NPAT: variants seen among roughly 807,000 people sequenced by gnomAD.
The protein encoded by NPAT is protein NPAT.
A neutral mutation model predicts 130.7 loss-of-function variants in NPAT; 52 were observed. The observed-to-expected ratio is 0.40, with a 90% CI of 0.32 to 0.50. The LOEUF is 0.50. Among genes scored for constraint, NPAT ranks in the 20% least tolerant of loss-of-function variants. The pLI is 0.68. For missense variants in NPAT, 1,687 were observed against 1,662.6 expected, an observed-to-expected ratio of 1.01 and a Z score of -0.26; for synonymous variants, 580 against 584.8, an observed-to-expected ratio of 0.99 and a Z score of 0.12.
chr11:108,197,247 T>C (rs2078231359), intron 2 of NPAT, 55 bp downstream of exon 2: 1 of 1,209,540 alleles, frequency 8.3e-7, no homozygotes, highest in South Asian at 1.2e-5. Context: ...TTTATGACTA[T>C]GTTTTTAGTC....
chr11:108,181,027 G>A (rs1402674127), intron 10 of NPAT, among the ~76,000 whole-genome samples: 1 of 152,172 alleles, frequency 6.6e-6, no homozygotes, highest in Non-Finnish European at 1.5e-5. Flanking sequence ...GTTGGCAGGG[G>A]ATAGGAAAAG....
At chr11:108,210,663 C>A (rs1040965625) in intron 1 of NPAT, among the ~76,000 whole-genome samples, 1 of 152,144 alleles carries the variant, frequency 6.6e-6, no homozygotes, top group African/African-American at 2.4e-5. Flanking sequence ...AGAACTGACT[C>A]AAGAAGAAAC....
chr11:108,209,333 T>C (rs2078360634), intron 1 of NPAT, among the ~76,000 whole-genome samples: 1 of 152,130 alleles, frequency 6.6e-6, no homozygotes, highest in African/African-American at 2.4e-5. Context: ...AAGCCAAGCA[T>C]GGTGGCATAT....
At chr11:108,204,160 A>G (rs2078302473) in intron 1 of NPAT, among the ~76,000 whole-genome samples, 1 of 152,200 alleles carries the variant, frequency 6.6e-6, no homozygotes, top group African/African-American at 2.4e-5. Flanking sequence ...TAGCAGCAAG[A>G]GACAAATTCC....
At chr11:108,213,307 A>C (rs1406643007) in intron 1 of NPAT, among the ~76,000 whole-genome samples, 2 of 152,162 alleles carry the variant, frequency 1.3e-5, no homozygotes, top group African/African-American at 2.4e-5. Context: ...AAACTATTAG[A>C]GCTAATAAAT....
At chr11:108,186,428 G>T in intron 8 of NPAT, 54 bp downstream of exon 8, 1 of 1,335,262 alleles carries the variant, frequency 7.5e-7, no homozygotes, top group Non-Finnish European at 1.1e-6. Context: ...GTATATATCT[G>T]TATTTTTAAA....
At chr11:108,187,747 T>C (rs567305076) in intron 7 of NPAT, among the ~76,000 whole-genome samples, 1 of 150,838 alleles carries the variant, frequency 6.6e-6, no homozygotes, top group South Asian at 2.1e-4. Flanking sequence ...CTTAGGACTT[T>C]AAATGTGTGT....
Position 108,190,489 on chromosome 11 carries a change from C to T in NPAT, c.302G>A (p.Ser101Asn). 6.2e-7 allele frequency: 1 copy of T among 1,613,824 alleles called. No individual in the cohort carries two copies. Among genetic ancestry groups the T allele is most frequent in the Non-Finnish European group, 8.5e-7 (1 of 1,179,770 alleles). Reference sequence around the variant, plus strand: ...CTGACTGCCAGCAAACCTTGGGGAACTTTGCATGCTCCTAACAAAGAAAAC... The same window carrying T: ...CTGACTGCCAGCAAACCTTGGGGAATTTTGCATGCTCCTAACAAAGAAAAC... ...HTLSQIRSMQ[S>N]SPRFAGSQRA... The change falls in exon 5 of 18, where the codon AGT becomes AAT. Residue 101 changes from serine to asparagine, a missense_variant. Transcript: ENST00000278612.
intron 15 of NPAT, among the ~76,000 whole-genome samples, chr11:108,167,255 G>A (rs1266810194): frequency 6.6e-6 from 1 of 152,136 alleles, no homozygotes; most frequent in East Asian, 1.9e-4. Flanking sequence ...CTGTTGCCCA[G>A]ACTGGAATGC....
At chr11:108,185,639 A>T in intron 8 of NPAT, 145 bp from the exon 9 acceptor site, 7 of 669,936 alleles carry the variant, frequency 1.0e-5, no homozygotes, top group Non-Finnish European at 1.3e-5. Flanking sequence ...CTCCCTCCAT[A>T]TTAATACCTG....
chr11:108,182,784 C>A (rs1256804131), intron 10 of NPAT, among the ~76,000 whole-genome samples: 1 of 152,246 alleles, frequency 6.6e-6, no homozygotes, highest in Non-Finnish European at 1.5e-5. Context: ...GCCACCACAC[C>A]CAGCTAAATC....
At chr11:108,176,844 A>T in intron 11 of NPAT, 150 bp downstream of exon 11, 1 of 611,396 alleles carries the variant, frequency 1.6e-6, no homozygotes, top group Non-Finnish European at 2.9e-6. Context: ...AAAACAACAA[A>T]CACTCCTTTA....
chr11:108,176,491 G>A, intron 11 of NPAT, 117 bp from the exon 12 acceptor site: 2 of 772,548 alleles, frequency 2.6e-6, no homozygotes. Context: ...TTTTATGGAT[G>A]TTTAAAAAAT....
Position 108,176,368 on chromosome 11 carries a change from G to A in NPAT, c.1010C>T (p.Thr337Ile), listed in dbSNP as rs1460325509. 1.9e-6 allele frequency: 3 copies of A among 1,541,336 alleles called. No individual in the cohort carries two copies. In the African/African-American group the frequency reaches 4.1e-5, roughly 21 times the overall value. Reference protein sequence around the residue: ...ALFDLFDYGKTKNNKNISQSI... With the variant: ...ALFDLFDYGKIKNNKNISQSI... ...TTGTGATATATTTTTATTATTCTTTGTTTTGCCTGTTAAAAAGGGAATATG... is the reference window on the plus strand; with the variant it reads ...TTGTGATATATTTTTATTATTCTTTATTTTGCCTGTTAAAAAGGGAATATG... Residue 337 changes from threonine (T) to isoleucine (I), a missense_variant, in exon 12 of 18, where the codon ACA (threonine) becomes ATA (isoleucine). Thr to Ile is a moderately conservative substitution (Grantham distance 89, BLOSUM62 -1). Around this residue, in one of 3 missense-constraint regions of NPAT, gnomAD observed 1,379 missense variants for 1,346.6 expected, o/e 1.02. Transcript: ENST00000278612.
At chr11:108,191,612 G>A (rs1470193680) in intron 4 of NPAT, among the ~76,000 whole-genome samples, 3 of 152,162 alleles carry the variant, frequency 2.0e-5, no homozygotes, top group Non-Finnish European at 4.4e-5. Context: ...GTCACTTATA[G>A]CTCTGAAAGA....
intron 7 of NPAT, 26 bp downstream of exon 7, chr11:108,188,072 A>C: frequency 6.5e-7 from 1 of 1,534,270 alleles, no homozygotes; most frequent in African/African-American, 1.4e-5. Context: ...GATACGGGTA[A>C]CTTGTCTCTT....
chr11:108,185,231 C>T lies in NPAT; in HGVS notation c.906+1G>A. ...CCCATGCACACCCCAACCACCCATA[C>T]CGGAAGTCCTAGGAATTCATCAATT... On this transcript the variant is annotated splice_donor_variant, in intron 10 of 17. Coordinates refer to ENST00000278612, the MANE Select transcript of NPAT (RefSeq NM_002519.3). LOFTEE classifies it high-confidence loss of function. 1 of 1,604,206 alleles carries T rather than the reference C, an allele frequency of 6.2e-7. No homozygotes were observed. Among genetic ancestry groups the T allele is most frequent in the Non-Finnish European group, 8.5e-7 (1 of 1,172,278 alleles).
intron 10 of NPAT, among the ~76,000 whole-genome samples, chr11:108,179,426 C>G (rs1481236094): frequency 6.6e-6 from 1 of 152,100 alleles, no homozygotes; most frequent in African/African-American, 2.4e-5. Context: ...TGACACCACA[C>G]CCAGCTAATT....
intron 15 of NPAT, 56 bp from the exon 16 acceptor site, chr11:108,162,236 T>C (rs764527937): frequency 1.5e-5 from 22 of 1,450,372 alleles, no homozygotes; most frequent in South Asian, 3.5e-5. Flanking sequence ...TGAAAGAGGA[T>C]AGAACAGATG....
Sources: allele counts gnomAD v4.1 joint callset (sites outside exome capture counted in the v4.1 genomes callset), GRCh38; gene constraint gnomAD v4.1.1; regional missense constraint gnomAD v4.1.1; transcripts MANE v1.5; gene names NCBI Gene and HGNC (gene_info 2026-07-23, HGNC 2026-07-21).